Variants in TFG observed in about 807,000 individuals in gnomAD.
The protein encoded by TFG is protein TFG.
Under a neutral mutation model 51.4 loss-of-function variants are expected in TFG, and 22 were observed. That is an observed-to-expected ratio of 0.43 (90% confidence interval 0.31 to 0.61). The LOEUF (loss-of-function observed/expected upper bound fraction) is 0.61. TFG is among the 20% of genes least tolerant of loss of function. The pLI is 0.12. For synonymous variants in TFG, 187 were observed against 165.6 expected (o/e 1.13, Z -0.99); for missense variants, 419 against 487.7 (o/e 0.86, Z 1.33).
In TFG at chr3:100,719,966, A is replaced by C; in HGVS notation, c.185-9A>C. The C allele has an allele frequency of 6.8e-7, 1 of 1,469,740 alleles. No homozygotes were observed. The highest frequency in any genetic ancestry group is 9.2e-7 in the Non-Finnish European group (1 of 1,084,918). 91.0% of individuals were successfully genotyped at this position (1,469,740 alleles called of 1,614,324 possible). On this transcript the variant is annotated splice_polypyrimidine_tract_variant and intron_variant, in intron 2 of 7. Transcript: ENST00000240851. ...TTAAAAAACAACCTTTTTTTTTTTT[A>C]AATTCCAGATGGAGATCTTATAACA...
intron 2 of TFG, among the ~76,000 whole-genome samples, chr3:100,715,672 A>G (rs2095043750): frequency 6.6e-6 from 1 of 152,128 alleles, no homozygotes; most frequent in Non-Finnish European, 1.5e-5. Flanking sequence ...TGCTTATCAT[A>G]CATTGATTTG....
chr3:100,727,814 A>G (rs936584632), intron 3 of TFG, among the ~76,000 whole-genome samples: 1 of 152,074 alleles, frequency 6.6e-6, no homozygotes, highest in Non-Finnish European at 1.5e-5. Context: ...TAAGTTCTGC[A>G]TATATTTTTA....
chr3:100,723,439 A>G (rs113702248), intron 3 of TFG, among the ~76,000 whole-genome samples: 2,110 of 152,238 alleles, frequency 0.014, 43 homozygotes, highest in African/African-American at 0.049. Flanking sequence ...GAAATTGACT[A>G]CATATATCGG....
chr3:100,713,991 C>G, intron 2 of TFG, 122 bp downstream of exon 2: 1 of 536,072 alleles, frequency 1.9e-6, no homozygotes, highest in East Asian at 3.4e-5. Flanking sequence ...ACCTCAAACT[C>G]CTGGGCTCAA....
intron 5 of TFG, among the ~76,000 whole-genome samples, chr3:100,734,032 G>C (rs72928628): frequency 0.026 from 3,998 of 152,090 alleles, 176 homozygotes; most frequent in African/African-American, 0.091. Context: ...TTTCTGGGCA[G>C]ATGTCCTCAC....
chr3:100,730,464 T>C (rs1286576471), intron 4 of TFG, among the ~76,000 whole-genome samples: 3 of 152,250 alleles, frequency 2.0e-5, no homozygotes, highest in Admixed American at 1.3e-4. Flanking sequence ...TTTCTAGTTA[T>C]TGTGTCCTGT....
At chr3:100,719,144 T>A (rs2095054229) in intron 2 of TFG, among the ~76,000 whole-genome samples, 1 of 152,176 alleles carries the variant, frequency 6.6e-6, no homozygotes, top group African/African-American at 2.4e-5. Flanking sequence ...TTGCCCAAAA[T>A]AAATCCAACT....
intron 4 of TFG, among the ~76,000 whole-genome samples, chr3:100,729,787 A>G (rs1348164500): frequency 6.6e-6 from 1 of 152,040 alleles, no homozygotes; most frequent in Non-Finnish European, 1.5e-5. Flanking sequence ...TTTGTTTTCT[A>G]TTTTTATTTT....
intron 6 of TFG, among the ~76,000 whole-genome samples, chr3:100,739,004 C>T (rs895705210): frequency 2.6e-5 from 4 of 152,104 alleles, no homozygotes; most frequent in Non-Finnish European, 4.4e-5. Flanking sequence ...TCAAACAAGC[C>T]ACATTTCAGG....
chr3:100,734,912 A>G (rs187702670), intron 5 of TFG, among the ~76,000 whole-genome samples: 34 of 152,324 alleles, frequency 2.2e-4, no homozygotes, highest in Admixed American at 2.1e-3. Context: ...TAGCTAGGAT[A>G]CTTTTGTAGT....
intron 2 of TFG, among the ~76,000 whole-genome samples, chr3:100,714,225 C>T (rs1260206687): frequency 2.0e-5 from 3 of 152,086 alleles, no homozygotes; most frequent in South Asian, 4.1e-4. Context: ...TGGGGCCGGG[C>T]GCAGCAGCTC....
chr3:100,742,170 C>A (rs2095123024), intron 6 of TFG, among the ~76,000 whole-genome samples: 1 of 152,012 alleles, frequency 6.6e-6, no homozygotes, highest in Non-Finnish European at 1.5e-5. Context: ...CTGTGACAGT[C>A]CCATTTGGAC....
intron 6 of TFG, chr3:100,742,922 C>G (rs1168649102): frequency 4.6e-5 from 7 of 151,980 alleles, no homozygotes; most frequent in Admixed American, 4.6e-4. Flanking sequence ...GAGTTGTACC[C>G]TATAAATTTT....
At position 100,745,361 on chromosome 3, in the gene TFG, A is replaced by C. The variant is rs1013744569; in HGVS notation, c.820+430A>C. Among the ~76,000 whole-genome samples the C allele has an allele frequency of 3.9e-5, 6 of 152,204 alleles. No individual in the cohort carries two copies. In the East Asian group the frequency reaches 1.2e-3, roughly 29 times the overall value. On this transcript the variant is annotated intron_variant, in intron 7 of 7. Transcript: ENST00000240851. ...GGAAAGGTGATGTTATTTAAATAAG[A>C]GCTCAATTAAGCTACTTAGATTTTA...
chr3:100,725,158 G>C (rs1009476425), intron 3 of TFG, among the ~76,000 whole-genome samples: 1 of 151,890 alleles, frequency 6.6e-6, no homozygotes, highest in Non-Finnish European at 1.5e-5. Context: ...TGCCTGCCTC[G>C]GCCTCCCAAA....
intron 3 of TFG, among the ~76,000 whole-genome samples, chr3:100,728,166 A>G (rs571009450): frequency 5.9e-5 from 9 of 152,182 alleles, no homozygotes; most frequent in African/African-American, 2.2e-4. Flanking sequence ...TTCTTTTAAG[A>G]TCAGCTATTT....
chr3:100,711,813 G>A (rs2095032060), intron 1 of TFG, among the ~76,000 whole-genome samples: 1 of 151,926 alleles, frequency 6.6e-6, no homozygotes, highest in African/African-American at 2.4e-5. Context: ...CAAGCAAGAT[G>A]GAATATTTAC....
At chr3:100,734,399 T>G (rs1395151035) in intron 5 of TFG, among the ~76,000 whole-genome samples, 1 of 152,140 alleles carries the variant, frequency 6.6e-6, no homozygotes, top group African/African-American at 2.4e-5. Flanking sequence ...TATACCTAGA[T>G]CGTGGGTCTT....
At chr3:100,714,260 G>A (rs186650823) in intron 2 of TFG, among the ~76,000 whole-genome samples, 164 of 152,244 alleles carry the variant, frequency 1.1e-3, no homozygotes, top group African/African-American at 3.7e-3. Context: ...AGCACTTTGG[G>A]AGACCGAGGT....
Sources: gnomAD v4.1 joint callset for allele counts (sites outside exome capture counted in the v4.1 genomes callset) on GRCh38, gnomAD v4.1.1 for gene constraint, MANE v1.5 for transcripts, NCBI Gene and HGNC (gene_info 2026-07-23, HGNC 2026-07-21) for gene names.